IL17RA: variants seen among roughly 807,000 people sequenced by gnomAD.
IL17RA encodes interleukin-17 receptor A.
IL17RA carries 34 observed loss-of-function variants against 50.4 expected under a neutral mutation model. The observed-to-expected ratio is 0.67, with a 90% CI of 0.51 to 0.90. The LOEUF (loss-of-function observed/expected upper bound fraction) is 0.90. Among genes scored for constraint, IL17RA ranks in the 40% least tolerant of loss-of-function variants. IL17RA has a pLI of 0.00. For synonymous variants in IL17RA, 585 were observed against 510.4 expected, an observed-to-expected ratio of 1.15 and a Z score of -1.97; for missense variants, 1,276 against 1,169.8, an observed-to-expected ratio of 1.09 and a Z score of -1.32.
At chr22:17,092,682 T>C (rs2061352039) in intron 1 of IL17RA, among the ~76,000 whole-genome samples, 1 of 152,084 alleles carries the variant, frequency 6.6e-6, no homozygotes, top group African/African-American at 2.4e-5. Flanking sequence ...CTTGAGTTTT[T>C]CCACACTCTC....
At position 17,094,669 on chromosome 22, in the gene IL17RA, C is replaced by CTATATATATATATATATA. The variant is rs2061360235; in HGVS notation, c.139-2392_139-2391insATATATATATATATATAT. ...AGTCATACACACACTCTCTCTCTCT[C>CTATATATATATATATATA]TCTCTCTCTCTCTCTCTCTCTCTAT... On this transcript the variant is annotated intron_variant, in intron 1 of 12. Coordinates refer to ENST00000319363, the MANE Select transcript of IL17RA (RefSeq NM_014339.7). Among the ~76,000 whole-genome samples, 169 of 24,202 alleles carry CTATATATATATATATATA rather than the reference C, an allele frequency of 7.0e-3. 7 individuals carry two copies. Among genetic ancestry groups the CTATATATATATATATATA allele is most frequent in the Non-Finnish European group, 0.012 (129 of 10,434 alleles). The allele number at this position is 24,202 out of a possible 152,430, so 15.9% of individuals were successfully genotyped here.
At chr22:17,096,086 C>T (rs918384912) in intron 1 of IL17RA, among the ~76,000 whole-genome samples, 2 of 152,182 alleles carry the variant, frequency 1.3e-5, no homozygotes, top group African/African-American at 4.8e-5. Context: ...CTTTCCACCC[C>T]GGGATGCGTT....
chr22:17,106,062 G>C, intron 11 of IL17RA, 108 bp downstream of exon 11: 1 of 828,538 alleles, frequency 1.2e-6, no homozygotes, highest in Non-Finnish European at 2.0e-6. Flanking sequence ...TCTTGCTTGA[G>C]AACCACGTCA....
intron 5 of IL17RA, 79 bp downstream of exon 5, chr22:17,100,560 C>T (rs1172847996): frequency 5.8e-6 from 9 of 1,558,844 alleles, no homozygotes; most frequent in African/African-American, 1.4e-5. Flanking sequence ...GATGCCAGCC[C>T]CCCTGCTCAG....
At position 17,097,107 on chromosome 22, in the gene IL17RA, C is replaced by A. The variant is rs373418844; in HGVS notation, c.163+21C>A. ...GAATAGTAAGTCATCTTTTTCTGTT[C>A]TTCTTCTTGTTGCCTTCTTAATCAA... On this transcript the variant is annotated intron_variant, in intron 2 of 12. Coordinates refer to ENST00000319363, the MANE Select transcript of IL17RA (RefSeq NM_014339.7). 16 of 1,609,628 alleles carry A rather than the reference C, an allele frequency of 9.9e-6. No homozygotes were observed. The African/African-American group carries it at 1.6e-4, about 16-fold the overall frequency.
rs41424146 is a variant in IL17RA, at chr22:17,100,309, G to C, written c.424-46G>C. ...GGTCTTTGGGCATAGATGGGTGACAGAGGTGTGTGTAATCCATCCACCTTC... is the reference window on the plus strand; with the variant it reads ...GGTCTTTGGGCATAGATGGGTGACACAGGTGTGTGTAATCCATCCACCTTC... On this transcript the variant is annotated intron_variant, in intron 4 of 12. Transcript: ENST00000319363. 9,901 of 1,611,958 alleles carry C rather than the reference G, an allele frequency of 6.1e-3. 535 individuals are homozygous for C. The African/African-American group carries it at 0.11, about 19-fold the overall frequency.
intron 10 of IL17RA, 47 bp from the exon 11 acceptor site, chr22:17,105,806 G>C (rs1180220043): frequency 6.5e-7 from 1 of 1,538,044 alleles, no homozygotes; most frequent in Admixed American, 1.7e-5. Context: ...CTCAGGGTGG[G>C]CAGGGCAGGC....
At position 17,102,791 on chromosome 22, in the gene IL17RA, C is replaced by T. The variant is rs183693434; in HGVS notation, c.762+489C>T. 1.9e-4 allele frequency among the ~76,000 whole-genome samples: 29 copies of T among 151,808 alleles called. 1 individual carries two copies. Among genetic ancestry groups the T allele is most frequent in the Admixed American group, 2.6e-4 (4 of 15,246 alleles). ...ACTGCACCCACTCTGGGGGACAGAG[C>T]GAGACCCTGTCTCTAAAAAAGAAAA... is the stretch of plus-strand genomic sequence containing the variant. On this transcript the variant is annotated intron_variant, in intron 7 of 12. Coordinates refer to ENST00000319363, the MANE Select transcript of IL17RA (RefSeq NM_014339.7).
intron 3 of IL17RA, among the ~76,000 whole-genome samples, chr22:17,098,439 G>A (rs1156935397): frequency 6.6e-6 from 1 of 152,202 alleles, no homozygotes; most frequent in Admixed American, 6.5e-5. Flanking sequence ...CGCCCTCAGT[G>A]CTCCTGCTGA....
Position 17,108,359 on chromosome 22 carries a change from C to A in IL17RA, c.1140C>A (p.Val380=), listed in dbSNP as rs1274182911. 2 of 1,614,038 alleles carry A rather than the reference C, an allele frequency of 1.2e-6. No homozygotes were observed. The highest frequency in any genetic ancestry group is 1.7e-6 in the Non-Finnish European group (2 of 1,180,026). ...CCCCACCGCTGAAGCCCAGGAAGGT[C>A]TGGATCATCTACTCAGCCGACCACC... ...LIPPPLKPRK[V]WIIYSADHPL... The change falls in exon 13 of 13, where the codon GTC becomes GTA. Residue 380 remains valine (V), a synonymous_variant. Transcript: ENST00000319363.
intron 3 of IL17RA, among the ~76,000 whole-genome samples, chr22:17,098,508 T>G (rs535772197): frequency 6.6e-6 from 1 of 152,268 alleles, no homozygotes; most frequent in South Asian, 2.1e-4. Flanking sequence ...TGCCAGATTG[T>G]CAAAGCCCTC....
intron 9 of IL17RA, among the ~76,000 whole-genome samples, chr22:17,105,279 C>T (rs555519168): frequency 1.6e-4 from 24 of 152,306 alleles, no homozygotes; most frequent in East Asian, 3.9e-4. Context: ...ACAGCAGGGA[C>T]GCTGTTTTCA....
chr22:17,103,573 T>C lies in IL17RA; in HGVS notation c.842T>C (p.Val281Ala). The C allele has an allele frequency of 3.1e-6, 5 of 1,611,462 alleles. No homozygotes were observed. The highest frequency in any genetic ancestry group is 4.2e-6 in the Non-Finnish European group (5 of 1,178,908). ...RNLKGCCRHQVQIQPFFSSCL... is the reference protein window; with the variant it reads ...RNLKGCCRHQAQIQPFFSSCL... ...CTTAAAGGGTGCTGTCGCCACCAAGTGCAGGTGGGTGAGTGTGGTGTGGAC... is the reference window on the plus strand; with the variant it reads ...CTTAAAGGGTGCTGTCGCCACCAAGCGCAGGTGGGTGAGTGTGGTGTGGAC... Residue 281 changes from valine (V) to alanine (A), a missense_variant, in exon 8 of 13, where the codon GTG becomes GCG. Physicochemically the swap from Val to Ala is moderately conservative, Grantham distance 64. Transcript: ENST00000319363.
chr22:17,098,276 T>C (rs936423458), intron 3 of IL17RA, among the ~76,000 whole-genome samples: 2 of 152,232 alleles, frequency 1.3e-5, no homozygotes, highest in African/African-American at 4.8e-5. Context: ...TGTCAACCTG[T>C]TCCCTGAATT....
rs2061458991 is a variant in IL17RA at position 17,114,541 on chromosome 22, C to T, written c.*4721C>T. On this transcript the variant is annotated 3_prime_UTR_variant, in exon 13 of 13. Transcript: ENST00000319363. ...TGAGTTCGCTCACTGGATCCTTCCT[C>T]TCTGATGAGACAGGAAGAAGGTACA... 6.6e-6 allele frequency: 1 copy of T among 152,234 alleles called. No individual in the cohort carries two copies. Among genetic ancestry groups the T allele is most frequent in the Non-Finnish European group, 1.5e-5 (1 of 68,068 alleles). 9.4% of individuals were successfully genotyped at this position (152,234 alleles called of 1,614,324 possible). A position where few individuals can be genotyped will look rare whatever the true frequency, so the allele number is the denominator to read the frequency against.
At chr22:17,085,653 C>T (rs1252172426) in intron 1 of IL17RA, among the ~76,000 whole-genome samples, 2 of 152,134 alleles carry the variant, frequency 1.3e-5, no homozygotes, top group African/African-American at 4.8e-5. Context: ...AGCTCCACGC[C>T]TTGCGCCCCT....
chr22:17,085,090 C>T lies in IL17RA; in HGVS notation c.-2C>T. On this transcript the variant is annotated 5_prime_UTR_variant, in exon 1 of 13. Transcript: ENST00000319363. ...CGAGCCCTCCGCGACGCCAGCCGGGCCATGGGGGCCGCACGCAGCCCGCCG... is the reference window on the plus strand; with the variant it reads ...CGAGCCCTCCGCGACGCCAGCCGGGTCATGGGGGCCGCACGCAGCCCGCCG... 1 of 1,336,412 alleles carries T rather than the reference C, an allele frequency of 7.5e-7. No individual in the cohort carries two copies. The highest frequency in any genetic ancestry group is 3.1e-5 in the East Asian group (1 of 32,296). The allele number at this position is 1,336,412 out of a possible 1,614,324, so 82.8% of individuals were successfully genotyped here. A position where few individuals can be genotyped will look rare whatever the true frequency, so the allele number is the denominator to read the frequency against.
At chr22:17,100,584 G>A (rs2061387449) in intron 5 of IL17RA, 103 bp downstream of exon 5, 2 of 1,448,764 alleles carry the variant, frequency 1.4e-6, no homozygotes, top group Non-Finnish European at 1.9e-6. Context: ...GACATTGGCT[G>A]GCATTGCCAG....
In IL17RA at chr22:17,109,282, A is replaced by G. The variant is rs1304252335; in HGVS notation, c.2063A>G (p.Asp688Gly). Residue 688 changes from aspartate (D) to glycine (G), a missense_variant, in exon 13 of 13, where the codon GAC (aspartate) becomes GGC (glycine). Transcript: ENST00000319363. Reference protein sequence around the residue: ...VAAVEPGPLADGAAVRLALAG... With the variant: ...VAAVEPGPLAGGAAVRLALAG... ...GCGGTGGAGCCTGGGCCCCTGGCTG[A>G]CGGTGCCGCAGTCCGGCTGGCACTG... The G allele has an allele frequency of 6.6e-7, 1 of 1,516,234 alleles. No homozygotes were observed. The highest frequency in any genetic ancestry group is 8.8e-7 in the Non-Finnish European group (1 of 1,136,710). The allele number at this position is 1,516,234 out of a possible 1,614,324, so 93.9% of individuals were successfully genotyped here.
Sources: allele counts gnomAD v4.1 joint callset (sites outside exome capture counted in the v4.1 genomes callset), GRCh38; gene constraint gnomAD v4.1.1; transcripts MANE v1.5; gene names NCBI Gene and HGNC (gene_info 2026-07-23, HGNC 2026-07-21).